GANC: variants seen among roughly 807,000 people sequenced by gnomAD.
The protein encoded by GANC is glucosidase alpha, neutral C.
A neutral mutation model predicts 124.2 loss-of-function variants in GANC; 117 were observed. The ratio of observed to expected loss-of-function variants is 0.94; its 90% CI spans 0.81 to 1.10. GANC has a LOEUF of 1.10. Ranked by LOEUF, GANC falls within the 50% of genes least tolerant of loss-of-function variation. The pLI, the probability that GANC is intolerant of heterozygous loss-of-function variation, is 0.00. For synonymous variants in GANC, 377 were observed against 376.8 expected (o/e 1.00, Z -0.01); for missense variants, 1,140 against 1,095.0 (o/e 1.04, Z -0.58).
At chr15:42,293,796 G>A (rs1316749863) in intron 5 of GANC, among the ~76,000 whole-genome samples, 4 of 151,658 alleles carry the variant, frequency 2.6e-5, no homozygotes, top group African/African-American at 9.8e-5. Context: ...GCTCACACCT[G>A]TAATCATAAC....
chr15:42,332,107 T>G (rs1311361896), intron 15 of GANC, among the ~76,000 whole-genome samples: 1 of 152,168 alleles, frequency 6.6e-6, no homozygotes, highest in East Asian at 1.9e-4. Flanking sequence ...CAAGGCTAAC[T>G]ATAGTCACCT....
At chr15:42,300,635 A>G (rs1305924765) in intron 6 of GANC, among the ~76,000 whole-genome samples, 2 of 152,230 alleles carry the variant, frequency 1.3e-5, no homozygotes, top group Non-Finnish European at 2.9e-5. Context: ...TCTACTATAA[A>G]GACACATGCA....
Position 42,330,583 on chromosome 15 carries a change from C to A in GANC, c.1652C>A (p.Ala551Asp). ...TCTTGTTTGGTGATATAGCAAATGG[C>A]TACTGCAGAAGGACTGATAAAACGA... Reference protein sequence around the residue: ...HNIYGFYHQMATAEGLIKRSK... With the variant: ...HNIYGFYHQMDTAEGLIKRSK... The change falls in exon 15 of 24, where the codon GCT becomes GAT. Residue 551 changes from alanine to aspartate, a missense_variant. By Grantham distance (126) the Ala-to-Asp change is moderately radical. Coordinates refer to ENST00000318010, the MANE Select transcript of GANC (RefSeq NM_198141.3). 1.2e-6 allele frequency: 2 copies of A among 1,611,930 alleles called. No homozygotes were observed. Among genetic ancestry groups the A allele is most frequent in the East Asian group, 2.2e-5 (1 of 44,770 alleles).
intron 19 of GANC, chr15:42,343,396 A>G (rs1303844608): frequency 2.1e-6 from 1 of 483,318 alleles, no homozygotes; most frequent in Non-Finnish European, 3.7e-6. Context: ...TAGTCTTCAC[A>G]CTTTGACTAG....
At position 42,352,991 on chromosome 15, in the gene GANC, A is replaced by T. The variant is rs945204154; in HGVS notation, c.*852A>T. 1.6e-5 allele frequency: 11 copies of T among 670,258 alleles called. No homozygotes were observed. The African/African-American group carries it at 2.2e-4, about 13-fold the overall frequency. The allele number at this position is 670,258 out of a possible 1,614,324, so 41.5% of individuals were successfully genotyped here. On this transcript the variant is annotated 3_prime_UTR_variant, in exon 24 of 24. Coordinates refer to ENST00000318010, the MANE Select transcript of GANC (RefSeq NM_198141.3). ...AGTAATCAAAGTAAGTAATATTTCA[A>T]TCCAATATTTTTAAAAATCAGAATT...
chr15:42,291,261 C>G (rs919270282), intron 4 of GANC, among the ~76,000 whole-genome samples: 2 of 152,084 alleles, frequency 1.3e-5, no homozygotes, highest in African/African-American at 2.4e-5. Context: ...GACTCAGGTA[C>G]ACATACCAGA....
intron 10 of GANC, chr15:42,314,195 A>G: frequency 1.3e-6 from 1 of 758,554 alleles, no homozygotes; most frequent in Non-Finnish European, 2.4e-6. Context: ...TGGCCAGAAA[A>G]TATTCCCCAC....
At chr15:42,323,525 CAG>C (rs1211321264) in intron 11 of GANC, among the ~76,000 whole-genome samples, 1 of 146,314 alleles carries the variant, frequency 6.8e-6, no homozygotes, top group African/African-American at 2.5e-5. Context: ...TTTTTGGGGA[CAG>C]AGTCTCACTC....
intron 6 of GANC, among the ~76,000 whole-genome samples, chr15:42,298,745 GT>G (rs1221372495): frequency 6.6e-6 from 1 of 152,148 alleles, no homozygotes; most frequent in African/African-American, 2.4e-5. Context: ...TTGAGCCGTG[GT>G]TTGTAGTTCT....
intron 6 of GANC, among the ~76,000 whole-genome samples, chr15:42,301,387 G>T (rs926448183): frequency 6.6e-6 from 1 of 152,044 alleles, no homozygotes; most frequent in African/African-American, 2.4e-5. Context: ...ATTCCCTCAG[G>T]TGCCTACACC....
At chr15:42,275,529 A>G (rs921608932) in intron 1 of GANC, among the ~76,000 whole-genome samples, 14 of 152,160 alleles carry the variant, frequency 9.2e-5, no homozygotes, top group East Asian at 5.8e-4. Flanking sequence ...ATAATCATGG[A>G]CATGCTGACT....
At chr15:42,321,655 G>A in intron 10 of GANC, 130 bp from the exon 11 acceptor site, 2 of 779,664 alleles carry the variant, frequency 2.6e-6, no homozygotes, top group Non-Finnish European at 4.2e-6. Flanking sequence ...CAAGGACTGT[G>A]CTTTCTTCTC....
chr15:42,292,518 C>A (rs2051849662), intron 4 of GANC, among the ~76,000 whole-genome samples: 1 of 152,100 alleles, frequency 6.6e-6, no homozygotes, highest in Non-Finnish European at 1.5e-5. Flanking sequence ...AGTTGGATAA[C>A]TTTGTTATCC....
chr15:42,338,157 A>G (rs1595783135), intron 15 of GANC, among the ~76,000 whole-genome samples: 1 of 150,154 alleles, frequency 6.7e-6, no homozygotes, highest in African/African-American at 2.5e-5. Context: ...ATACTTAAAA[A>G]AAAGTGCAAT....
intron 3 of GANC, among the ~76,000 whole-genome samples, chr15:42,282,511 TAA>T (rs1687489462): frequency 6.6e-6 from 1 of 152,298 alleles, no homozygotes; most frequent in East Asian, 1.9e-4. Context: ...GCCCAGAGTC[TAA>T]GAGGATCATA....
chr15:42,283,581 A>G lies in GANC; in HGVS notation c.202-4110A>G, dbSNP rs114686538. On this transcript the variant is annotated intron_variant, in intron 3 of 23. Transcript: ENST00000318010. Reference sequence around the variant, plus strand: ...ATGCTTTCTCATGATATAGGTGACCATTTGGCAACACGTTTATTTTCTTTT... The same window carrying G: ...ATGCTTTCTCATGATATAGGTGACCGTTTGGCAACACGTTTATTTTCTTTT... 3.2e-3 allele frequency: 2,258 copies of G among 696,262 alleles called. 44 individuals are homozygous for G. The African/African-American group carries it at 0.036, about 11-fold the overall frequency. 43.1% of individuals were successfully genotyped at this position (696,262 alleles called of 1,614,324 possible). A position where few individuals can be genotyped will look rare whatever the true frequency, so the allele number is the denominator to read the frequency against.
intron 11 of GANC, among the ~76,000 whole-genome samples, chr15:42,323,140 G>A (rs910417572): frequency 6.6e-6 from 1 of 152,230 alleles, no homozygotes; most frequent in Non-Finnish European, 1.5e-5. Context: ...TATTTTAGAT[G>A]AAGAAGCTGA....
chr15:42,333,492 C>G (rs979580103), intron 15 of GANC, among the ~76,000 whole-genome samples: 1 of 152,084 alleles, frequency 6.6e-6, no homozygotes, highest in Non-Finnish European at 1.5e-5. Flanking sequence ...TTATGGCTGT[C>G]TTTGGTGGTA....
At chr15:42,286,023 T>G (rs946756382) in intron 3 of GANC, among the ~76,000 whole-genome samples, 5 of 152,030 alleles carry the variant, frequency 3.3e-5, no homozygotes, top group Non-Finnish European at 7.4e-5. Flanking sequence ...TTTTTTTTTT[T>G]GTAGAGAAAG....
Sources: allele counts gnomAD v4.1 joint callset (sites outside exome capture counted in the v4.1 genomes callset), GRCh38; gene constraint gnomAD v4.1.1; transcripts MANE v1.5; gene names NCBI Gene and HGNC (gene_info 2026-07-23, HGNC 2026-07-21).